GLIS2: variants seen among roughly 807,000 people sequenced by gnomAD.
GLIS2 encodes zinc finger protein GLIS2.
GLIS2 carries 14 observed loss-of-function variants against 35.6 expected under a neutral mutation model. That is an observed-to-expected ratio of 0.39 (90% CI 0.26 to 0.61). The LOEUF is 0.61. Among genes scored for constraint, GLIS2 ranks in the 20% least tolerant of loss-of-function variants. GLIS2 has a pLI of 0.48. For synonymous variants in GLIS2, 368 were observed against 325.1 expected (o/e 1.13, Z -1.42); for missense variants, 675 against 713.4 (o/e 0.95, Z 0.61).
chr16:4,338,715 C>CGG lies in GLIS2; in HGVS notation c.*1191_*1192insGG, dbSNP rs2053589125. The stretch of plus-strand genomic sequence containing the variant: ...CTCAGAGGCACTTCCCCACCCCTAA[C>CGG]ACCCAGTGGGCCCCCCCAGGTTCTG... On this transcript the variant is annotated 3_prime_UTR_variant, in exon 7 of 7. Transcript: ENST00000433375. The CGG allele has an allele frequency of 6.5e-6, 1 of 153,402 alleles. No homozygotes were observed. The highest frequency in any genetic ancestry group is 1.4e-5 in the Non-Finnish European group (1 of 69,020). 9.5% of individuals were successfully genotyped at this position (153,402 alleles called of 1,614,324 possible).
In GLIS2 at chr16:4,320,581, A is replaced by T. The variant is rs180904488; in HGVS notation, c.-67+4327A>T. 4.5e-4 allele frequency among the ~76,000 whole-genome samples: 68 copies of T among 152,080 alleles called. No individual in the cohort carries two copies. Among genetic ancestry groups the T allele is most frequent in the Non-Finnish European group, 9.0e-4 (61 of 67,984 alleles). On this transcript the variant is annotated intron_variant, in intron 1 of 6. Coordinates refer to ENST00000433375, the MANE Select transcript of GLIS2 (RefSeq NM_032575.3). The surrounding 1 kb of genome is among the most constrained non-coding windows in gnomAD (Gnocchi z 5.6). ...AGCTCCACTCCTGCCCCCCACGTCC[A>T]CTGCAAGGGCATGACGGGGGCCAAC...
At chr16:4,333,834 C>T (rs759985642) in intron 3 of GLIS2, among the ~76,000 whole-genome samples, 7 of 152,100 alleles carry the variant, frequency 4.6e-5, no homozygotes, top group African/African-American at 1.2e-4. Flanking sequence ...CAGTCATGGC[C>T]GGGCACGGTG....
intron 1 of GLIS2, chr16:4,325,283 C>T (rs2053418897): frequency 6.6e-6 from 1 of 152,258 alleles, no homozygotes; most frequent in South Asian, 2.1e-4. Flanking sequence ...GGGTTGAAAC[C>T]CAGCTCTGCC....
rs1287524266 is a variant in GLIS2, at chr16:4,336,970, G to T, written c.1021G>T (p.Ala341Ser). ...LRPPPKPPLP[A>S]PDGGPYVSGA... is the part of the protein sequence containing the mutation. Reference sequence around the variant, plus strand: ...CCCACCCCCCAAGCCGCCACTGCCCGCCCCCGACGGCGGCCCCTATGTCAG... The same window carrying T: ...CCCACCCCCCAAGCCGCCACTGCCCTCCCCCGACGGCGGCCCCTATGTCAG... Residue 341 changes from alanine to serine, a missense_variant, in exon 7 of 7, where the codon GCC becomes TCC. Coordinates refer to ENST00000433375, the MANE Select transcript of GLIS2 (RefSeq NM_032575.3). 15 of 1,609,790 alleles carry T rather than the reference G, an allele frequency of 9.3e-6. No homozygotes were observed. The highest frequency in any genetic ancestry group is 4.5e-5 in the East Asian group (2 of 44,742).
intron 1 of GLIS2, among the ~76,000 whole-genome samples, chr16:4,316,669 G>A (rs960441862): frequency 6.6e-6 from 1 of 152,190 alleles, no homozygotes; most frequent in South Asian, 2.1e-4. Context: ...CGGCCGCGCC[G>A]GGGCTGCTGC....
chr16:4,335,795 G>C lies in GLIS2; in HGVS notation c.775+402G>C. On this transcript the variant is annotated intron_variant, in intron 6 of 6. Coordinates refer to ENST00000433375, the MANE Select transcript of GLIS2 (RefSeq NM_032575.3). This position sits in a 1 kb window ranked among gnomAD's most constrained non-coding sequence, Gnocchi z 4.6. The stretch of plus-strand genomic sequence containing the variant: ...TAAAACACAGCAAAAATAAATGGGT[G>C]AAATTAATTGTAATATGGTTCGTTG... The C allele has an allele frequency of 4.0e-6, 1 of 247,512 alleles. No individual in the cohort carries two copies. Among genetic ancestry groups the C allele is most frequent in the Non-Finnish European group, 8.0e-6 (1 of 125,460 alleles). The allele number at this position is 247,512 out of a possible 1,614,324, so 15.3% of individuals were successfully genotyped here. A position where few individuals can be genotyped will look rare whatever the true frequency, so the allele number is the denominator to read the frequency against.
At chr16:4,324,464 AG>A (rs2053409425) in intron 1 of GLIS2, among the ~76,000 whole-genome samples, 1 of 152,198 alleles carries the variant, frequency 6.6e-6, no homozygotes, top group South Asian at 2.1e-4. Context: ...CCAGGATTGA[AG>A]AGGCCTGAGG....
chr16:4,334,327 T>G (rs2053527314), intron 3 of GLIS2, among the ~76,000 whole-genome samples: 2 of 149,202 alleles, frequency 1.3e-5, no homozygotes, highest in South Asian at 4.4e-4. Context: ...AACCTCTGCC[T>G]CCCAGGTTCA....
intron 1 of GLIS2, among the ~76,000 whole-genome samples, chr16:4,328,935 C>A (rs1363321583): frequency 2.0e-5 from 3 of 151,668 alleles, no homozygotes; most frequent in Non-Finnish European, 4.4e-5. Flanking sequence ...ATTCCCAGTT[C>A]CCAAACCATC....
chr16:4,332,648 C>T lies in GLIS2; in HGVS notation c.172+196C>T, dbSNP rs1025045606. ...GGTGGGAGCTGCAGTGCCCAGCTCA[C>T]GTGGCTGGCACACGATGCAAACTGA... On this transcript the variant is annotated intron_variant, in intron 2 of 6. Coordinates refer to ENST00000433375, the MANE Select transcript of GLIS2 (RefSeq NM_032575.3). The surrounding 1 kb of genome is among the most constrained non-coding windows in gnomAD (Gnocchi z 5.4). Among the ~76,000 whole-genome samples, 21 of 152,346 alleles carry T rather than the reference C, an allele frequency of 1.4e-4. No individual in the cohort carries two copies. The highest frequency in any genetic ancestry group is 2.5e-4 in the Non-Finnish European group (17 of 68,032).
At chr16:4,326,348 C>CAA (rs1171259660) in intron 1 of GLIS2, 2 of 152,252 alleles carry the variant, frequency 1.3e-5, no homozygotes, top group African/African-American at 4.8e-5. Context: ...CACTGCTGAC[C>CAA]AAAAGCGCAC....
Position 4,335,315 on chromosome 16 carries a change from A to G in GLIS2, c.697A>G (p.Lys233Glu). The change falls in exon 6 of 7, where the codon AAG (lysine) becomes GAG (glutamate). Residue 233 changes from lysine to glutamate, a missense_variant. Lys to Glu is a moderately conservative substitution (Grantham distance 56). Around this residue, in one of 3 missense-constraint regions of GLIS2, gnomAD observed 133 missense variants for 191.4 expected, o/e 0.69. Coordinates refer to ENST00000433375, the MANE Select transcript of GLIS2 (RefSeq NM_032575.3). This position sits in a 1 kb window ranked among gnomAD's most constrained non-coding sequence, Gnocchi z 4.6. ...LIHIRTHTNE[K>E]PHRCPTCSKS... ...CCACATCCGCACACACACCAACGAG[A>G]AGCCACACCGCTGTCCGACCTGCAG... is the stretch of plus-strand genomic sequence containing the variant. The G allele has an allele frequency of 6.2e-7, 1 of 1,613,796 alleles. No homozygotes were observed. The highest frequency in any genetic ancestry group is 8.5e-7 in the Non-Finnish European group (1 of 1,180,022).
chr16:4,319,704 C>A (rs1219118078), intron 1 of GLIS2, among the ~76,000 whole-genome samples: 1 of 151,906 alleles, frequency 6.6e-6, no homozygotes, highest in Non-Finnish European at 1.5e-5. Flanking sequence ...GCTGGGGGGC[C>A]AGCGTGGGGG....
chr16:4,319,328 C>T (rs1418479701), intron 1 of GLIS2, among the ~76,000 whole-genome samples: 1 of 152,148 alleles, frequency 6.6e-6, no homozygotes, highest in South Asian at 2.1e-4. Flanking sequence ...CCCAGCTTGG[C>T]GGGGCTGTGT....
Position 4,335,424 on chromosome 16 carries a change from A to G in GLIS2, c.775+31A>G. ...AGGCCGGGGCCGGGCGGCTTGGCCC[A>G]TGAAGGGGGCGCTCAGCTGAGACCG... On this transcript the variant is annotated intron_variant, in intron 6 of 6. Transcript: ENST00000433375. This position sits in a 1 kb window ranked among gnomAD's most constrained non-coding sequence, Gnocchi z 4.6. 1.9e-6 allele frequency: 3 copies of G among 1,598,746 alleles called. No individual in the cohort carries two copies. The highest frequency in any genetic ancestry group is 2.6e-6 in the Non-Finnish European group (3 of 1,167,286).
intron 1 of GLIS2, among the ~76,000 whole-genome samples, chr16:4,326,746 C>T (rs1256136354): frequency 1.4e-5 from 2 of 145,398 alleles, no homozygotes; most frequent in Admixed American, 1.4e-4. Context: ...CCTGCTTCCA[C>T]GCCCAGCTAT....
At chr16:4,324,015 G>A (rs2053404846) in intron 1 of GLIS2, among the ~76,000 whole-genome samples, 2 of 152,202 alleles carry the variant, frequency 1.3e-5, no homozygotes, top group Non-Finnish European at 2.9e-5. Flanking sequence ...CTGTGAACAC[G>A]CAGAAAAAAG....
Position 4,336,948 on chromosome 16 carries a change from A to AC in GLIS2, c.1005dup (p.Lys336GlnfsTer45). 1 of 1,582,538 alleles carries AC rather than the reference A, an allele frequency of 6.3e-7. No homozygotes were observed. ...AGCAAGAGCTCCTGCAGCTGCGCCC[A>AC]CCCCCCAAGCCGCCACTGCCCGCCC... On this transcript the variant is annotated frameshift_variant, in exon 7 of 7. Transcript: ENST00000433375. LOFTEE classifies it high-confidence loss of function.
chr16:4,330,587 G>A (rs2053487789), intron 1 of GLIS2, among the ~76,000 whole-genome samples: 2 of 152,250 alleles, frequency 1.3e-5, no homozygotes, highest in Admixed American at 6.5e-5. Flanking sequence ...CGGTTTGCCT[G>A]GTGCGAGTTC....
Sources: gnomAD v4.1 joint callset for allele counts (sites outside exome capture counted in the v4.1 genomes callset) on GRCh38, gnomAD v4.1.1 for gene constraint, gnomAD v4.1.1 regional missense constraint, Gnocchi (gnomAD v3.1) non-coding constraint, MANE v1.5 for transcripts, NCBI Gene and HGNC (gene_info 2026-07-23, HGNC 2026-07-21) for gene names.